CYP1A2: variants seen among roughly 807,000 people sequenced by gnomAD.
CYP1A2 encodes the protein cytochrome P450 1A2.
Under a neutral mutation model 34.7 loss-of-function variants are expected in CYP1A2, and 35 were observed. The ratio of observed to expected loss-of-function variants is 1.01; its 90% confidence interval spans 0.77 to 1.34. CYP1A2 has a LOEUF of 1.34. Ranked by LOEUF, CYP1A2 falls within the 40% of genes most tolerant of loss-of-function variation. The probability of loss-of-function intolerance (pLI) is 0.00; values close to 1 mark genes in which losing one functional copy is unlikely to be tolerated. For missense variants in CYP1A2, 675 were observed against 675.8 expected, an observed-to-expected ratio of 1.00 and a Z score of 0.01; for synonymous variants, 288 against 281.9, an observed-to-expected ratio of 1.02 and a Z score of -0.22.
At chr15:74,753,369 C>A (rs1480390464) in intron 6 of CYP1A2, 99 bp downstream of exon 6, 4 of 923,734 alleles carry the variant, frequency 4.3e-6, no homozygotes, top group South Asian at 3.0e-5. Context: ...AAGGAGGGGA[C>A]CTCAATTGCT....
In CYP1A2 at chr15:74,750,048, G is replaced by A. The variant is rs34067076; in HGVS notation, c.310G>A (p.Asp104Asn). The change falls in exon 2 of 7, where the codon GAT becomes AAT. Residue 104 changes from aspartate (D) to asparagine (N), a missense_variant. By Grantham distance (23) the Asp-to-Asn change is conservative (BLOSUM62 1). Coordinates refer to ENST00000343932, the MANE Select transcript of CYP1A2 (RefSeq NM_000761.5). ...IRQALVRQGD[D>N]FKGRPDLYTS... ...GCAGGCCCTGGTGCGGCAGGGCGAC[G>A]ATTTCAAGGGCCGGCCTGACCTCTA... The A allele has an allele frequency of 7.0e-4, 1,134 of 1,613,964 alleles. No individual in the cohort carries two copies. The highest frequency in any genetic ancestry group is 1.2e-3 in the Admixed American group (72 of 60,022).
chr15:74,755,072 G>A lies in CYP1A2; in HGVS notation c.1535G>A (p.Arg512His), dbSNP rs773795301. The change falls in exon 7 of 7, where the codon CGC becomes CAC. Residue 512 changes from arginine (R) to histidine (H), a missense_variant. Coordinates refer to ENST00000343932, the MANE Select transcript of CYP1A2 (RefSeq NM_000761.5). ...TGTGAACATGTCCAGGCGCGGCTGC[G>A]CTTCTCCATCAATTGAAGAAGACAC... is the stretch of plus-strand genomic sequence containing the variant. ...ARCEHVQARL[R>H]FSIN is the part of the protein sequence containing the mutation. The A allele has an allele frequency of 1.2e-5, 20 of 1,607,788 alleles. No homozygotes were observed. The highest frequency in any genetic ancestry group is 7.7e-5 in the South Asian group (7 of 91,054).
At chr15:74,752,969 G>A (rs748014675) in intron 5 of CYP1A2, among the ~76,000 whole-genome samples, 1 of 149,868 alleles carries the variant, frequency 6.7e-6, no homozygotes, top group Non-Finnish European at 1.5e-5. Flanking sequence ...GCGCAGCCAG[G>A]CGCAAAGAGA....
At position 74,750,427 on chromosome 15, in the gene CYP1A2, C is replaced by A; in HGVS notation, c.689C>A (p.Ala230Asp). The A allele has an allele frequency of 6.2e-7, 1 of 1,614,186 alleles. No homozygotes were observed. The highest frequency in any genetic ancestry group is 8.5e-7 in the Non-Finnish European group (1 of 1,180,030). The part of the protein sequence containing the change: ...VKNTHEFVET[A>D]SSGNPLDFFP... ...AACACTCATGAGTTCGTGGAGACTGCCTCCTCCGGGAACCCCCTGGACTTC... is the reference window on the plus strand; with the variant it reads ...AACACTCATGAGTTCGTGGAGACTGACTCCTCCGGGAACCCCCTGGACTTC... Residue 230 changes from alanine (A) to aspartate (D), a missense_variant, in exon 2 of 7, where the codon GCC becomes GAC. By Grantham distance (126) the Ala-to-Asp change is moderately radical. Coordinates refer to ENST00000343932, the MANE Select transcript of CYP1A2 (RefSeq NM_000761.5).
rs142454118 is a variant in CYP1A2, at chr15:74,749,812, T to C, written c.74T>C (p.Phe25Ser). 2 of 1,596,150 alleles carry C rather than the reference T, an allele frequency of 1.3e-6. No homozygotes were observed. The highest frequency in any genetic ancestry group is 1.7e-6 in the Non-Finnish European group (2 of 1,168,626). The change falls in exon 2 of 7, where the codon TTC becomes TCC. Residue 25 changes from phenylalanine to serine, a missense_variant. By Grantham distance (155) the Phe-to-Ser change is radical (BLOSUM62 -2). Transcript: ENST00000343932. ...GCCTCTGCCATCTTCTGCCTGGTAT[T>C]CTGGGTGCTCAAGGGTTTGAGGCCT... Reference protein sequence around the residue: ...LLASAIFCLVFWVLKGLRPRV... With the variant: ...LLASAIFCLVSWVLKGLRPRV...
chr15:74,751,952 G>A, intron 4 of CYP1A2, 98 bp downstream of exon 4: 1 of 1,505,682 alleles, frequency 6.6e-7, no homozygotes, highest in Non-Finnish European at 9.1e-7. Flanking sequence ...CTGTGTGCAA[G>A]CCCTGGGCAC....
chr15:74,753,251 T>C lies in CYP1A2; in HGVS notation c.1234T>C (p.Trp412Arg). The change falls in exon 6 of 7, where the codon TGG (tryptophan) becomes CGG (arginine). Residue 412 changes from tryptophan to arginine, a missense_variant. By Grantham distance (101) the Trp-to-Arg change is moderately radical (BLOSUM62 -3). Coordinates refer to ENST00000343932, the MANE Select transcript of CYP1A2 (RefSeq NM_000761.5). ...GAAATGCTGTGTCTTCGTAAACCAG[T>C]GGCAGGTCAACCATGACCCGTGAGT... ...PKKCCVFVNQWQVNHDPELWE... is the reference protein window; with the variant it reads ...PKKCCVFVNQRQVNHDPELWE... The C allele has an allele frequency of 6.2e-7, 1 of 1,613,794 alleles. No individual in the cohort carries two copies. Among genetic ancestry groups the C allele is most frequent in the Non-Finnish European group, 8.5e-7 (1 of 1,179,816 alleles).
At chr15:74,753,135 G>A in intron 5 of CYP1A2, 49 bp from the exon 6 acceptor site, 1 of 1,509,184 alleles carries the variant, frequency 6.6e-7, no homozygotes, top group Non-Finnish European at 9.2e-7. Context: ...AGCAACACAT[G>A]CCCCAGCTTT....
Position 74,750,429 on chromosome 15 carries a change from T to G in CYP1A2, c.691T>G (p.Ser231Ala). 1 of 1,614,144 alleles carries G rather than the reference T, an allele frequency of 6.2e-7. No homozygotes were observed. Among genetic ancestry groups the G allele is most frequent in the Non-Finnish European group, 8.5e-7 (1 of 1,180,018 alleles). ...CACTCATGAGTTCGTGGAGACTGCCTCCTCCGGGAACCCCCTGGACTTCTT... is the reference window on the plus strand; with the variant it reads ...CACTCATGAGTTCGTGGAGACTGCCGCCTCCGGGAACCCCCTGGACTTCTT... ...KNTHEFVETA[S>A]SGNPLDFFPI... Residue 231 changes from serine (S) to alanine (A), a missense_variant, in exon 2 of 7, where the codon TCC becomes GCC. Coordinates refer to ENST00000343932, the MANE Select transcript of CYP1A2 (RefSeq NM_000761.5).
chr15:74,753,462 G>A (rs191189487), intron 6 of CYP1A2, among the ~76,000 whole-genome samples, 192 bp downstream of exon 6: 2 of 152,304 alleles, frequency 1.3e-5, no homozygotes, highest in Non-Finnish European at 2.9e-5. Context: ...CAGGCGCAGT[G>A]GCTCAAGCCT....
At chr15:74,749,613 A>G in intron 1 of CYP1A2, 117 bp from the exon 2 acceptor site, 5 of 814,220 alleles carry the variant, frequency 6.1e-6, no homozygotes, top group South Asian at 2.1e-5. Flanking sequence ...TCTTTCTGGT[A>G]TCCAGCTGGG....
At chr15:74,753,395 T>A in intron 6 of CYP1A2, 125 bp downstream of exon 6, 1 of 697,700 alleles carries the variant, frequency 1.4e-6, no homozygotes, top group Non-Finnish European at 2.4e-6. Context: ...CTGCTCTAAG[T>A]GACGATATTT....
intron 5 of CYP1A2, 51 bp downstream of exon 5, chr15:74,752,298 T>C (rs750532923): frequency 2.3e-5 from 37 of 1,605,446 alleles, no homozygotes; most frequent in Admixed American, 3.4e-5. Flanking sequence ...TGCCATGTTT[T>C]CTCTTCCTGG....
chr15:74,749,618 G>C, intron 1 of CYP1A2, 112 bp from the exon 2 acceptor site: 1 of 900,056 alleles, frequency 1.1e-6, no homozygotes, highest in African/African-American at 1.7e-5. Flanking sequence ...CTGGTATCCA[G>C]CTGGGAGCCA....
In CYP1A2 at chr15:74,749,712, C is replaced by T; in HGVS notation, c.-9-18C>T. The T allele has an allele frequency of 6.7e-7, 1 of 1,503,198 alleles. No homozygotes were observed. The highest frequency in any genetic ancestry group is 2.3e-5 in the Admixed American group (1 of 43,996). 93.1% of individuals were successfully genotyped at this position (1,503,198 alleles called of 1,614,324 possible). On this transcript the variant is annotated intron_variant, in intron 1 of 6. Transcript: ENST00000343932. ...TCCATCTCAACCCTCAGCCTGGTCC[C>T]TCCTTTTTTCCCTGCAGTTGGTACA...
intron 2 of CYP1A2, 81 bp from the exon 3 acceptor site, chr15:74,751,108 G>T: frequency 6.4e-7 from 1 of 1,566,576 alleles, no homozygotes. Context: ...CAGCCACCAG[G>T]TACAGGCCAG....
rs28399422 is a variant in CYP1A2, at chr15:74,752,432, A to C, written c.1166+185A>C. Among the ~76,000 whole-genome samples, 15 of 152,098 alleles carry C rather than the reference A, an allele frequency of 9.9e-5. 1 individual carries two copies. The East Asian group carries it at 2.9e-3, about 29-fold the overall frequency. On this transcript the variant is annotated intron_variant, in intron 5 of 6. Transcript: ENST00000343932. ...CCCCCAGCTCTCAGGAGAAAGTTCC[A>C]CTTGTGATCTCAGCGCTCATTCCCC...
At position 74,755,689 on chromosome 15, in the gene CYP1A2, C is replaced by T. The variant is rs2063335468; in HGVS notation, c.*601C>T. 1 of 152,214 alleles carries T rather than the reference C, an allele frequency of 6.6e-6. No individual in the cohort carries two copies. The highest frequency in any genetic ancestry group is 1.5e-5 in the Non-Finnish European group (1 of 68,102). 9.4% of individuals were successfully genotyped at this position (152,214 alleles called of 1,614,324 possible). A position where few individuals can be genotyped will look rare whatever the true frequency, so the allele number is the denominator to read the frequency against. On this transcript the variant is annotated 3_prime_UTR_variant, in exon 7 of 7. Coordinates refer to ENST00000343932, the MANE Select transcript of CYP1A2 (RefSeq NM_000761.5). ...TCTCGAACTCCTGACCCCAAGTTAT[C>T]CACCTGCCTTGGCTTCCCAAAGTCC... is the stretch of plus-strand genomic sequence containing the variant.
chr15:74,756,517 C>T lies in CYP1A2; in HGVS notation c.*1429C>T, dbSNP rs999150020. Among the ~76,000 whole-genome samples the T allele has an allele frequency of 2.6e-5, 4 of 152,192 alleles. No homozygotes were observed. The highest frequency in any genetic ancestry group is 7.2e-5 in the African/African-American group (3 of 41,440). On this transcript the variant is annotated 3_prime_UTR_variant, in exon 7 of 7. Transcript: ENST00000343932. ...CCCCTAGCCTGCCTCCCCTGCCTCA[C>T]CAGCCCTGGCAACTGCTAATCTACT...
Sources: allele counts gnomAD v4.1 joint callset (sites outside exome capture counted in the v4.1 genomes callset), GRCh38; gene constraint gnomAD v4.1.1; transcripts MANE v1.5; gene names NCBI Gene and HGNC (gene_info 2026-07-23, HGNC 2026-07-21).